The following RTN4 variants were observed in gnomAD, a reference collection of about 807,000 sequenced individuals.
RTN4 encodes the protein reticulon 4.
Under a neutral mutation model 90.4 loss-of-function variants are expected in RTN4, and 32 were observed. The observed-to-expected ratio is 0.35, with a 90% CI of 0.27 to 0.48. RTN4 has a LOEUF of 0.48. RTN4 is among the 20% of genes least tolerant of loss of function. The pLI, the probability that RTN4 is intolerant of heterozygous loss-of-function variation, is 0.99. For missense variants in RTN4, 1,706 were observed against 1,430.2 expected, an observed-to-expected ratio of 1.19 and a Z score of -3.11; for synonymous variants, 629 against 552.5, an observed-to-expected ratio of 1.14 and a Z score of -1.94.
intron 6 of RTN4, 165 bp from the exon 7 acceptor site, chr2:54,974,032 C>G (rs1677389324): frequency 3.4e-6 from 2 of 586,130 alleles, no homozygotes; most frequent in South Asian, 2.1e-5. Context: ...AGGAGCCACT[C>G]CAGAGGAATG....
chr2:55,018,343 A>T (rs577947229), intron 3 of RTN4, among the ~76,000 whole-genome samples: 2 of 152,336 alleles, frequency 1.3e-5, no homozygotes, highest in African/African-American at 4.8e-5. Flanking sequence ...TAGAACTGAA[A>T]CAAATGAAGC....
intron 1 of RTN4, among the ~76,000 whole-genome samples, chr2:55,037,665 G>C (rs1682784184): frequency 6.6e-6 from 1 of 152,118 alleles, no homozygotes; most frequent in Non-Finnish European, 1.5e-5. Context: ...ACTATGACAG[G>C]CTAACTTGTT....
intron 2 of RTN4, among the ~76,000 whole-genome samples, chr2:55,056,025 TAC>T (rs1668185370): frequency 6.6e-6 from 1 of 151,842 alleles, no homozygotes; most frequent in East Asian, 1.9e-4. Context: ...TATATATCTG[TAC>T]ACACACAGTA....
chr2:55,043,537 G>T (rs1352674423), intron 1 of RTN4, among the ~76,000 whole-genome samples: 1 of 152,104 alleles, frequency 6.6e-6, no homozygotes, highest in African/African-American at 2.4e-5. Flanking sequence ...AGAACTGCTT[G>T]AGCCCAGGAG....
In RTN4 at chr2:55,085,947, G is replaced by A. The variant is rs1668829439; in HGVS notation, c.-213-5308C>T. Among the ~76,000 whole-genome samples the A allele has an allele frequency of 1.3e-5, 2 of 152,136 alleles. 1 individual carries two copies. Among genetic ancestry groups the A allele is most frequent in the South Asian group, 4.1e-4 (2 of 4,830 alleles). On this transcript the variant is annotated intron_variant, in intron 1 of 3. Transcript: ENST00000427710. ...CAAATCATTATTGCAGTCCTCATTT[G>A]ACCAAAAATAAGGCAAGAGAGAATA...
intron 1 of RTN4, among the ~76,000 whole-genome samples, chr2:55,102,420 G>A (rs947956203): frequency 5.9e-5 from 9 of 152,144 alleles, no homozygotes; most frequent in Non-Finnish European, 1.3e-4. Flanking sequence ...CGGCAAAACA[G>A]CCATAAACTA....
intron 3 of RTN4, among the ~76,000 whole-genome samples, chr2:55,007,089 T>C (rs761523344): frequency 1.4e-4 from 21 of 152,146 alleles, no homozygotes; most frequent in Admixed American, 1.2e-3. Flanking sequence ...TTAGCTCTAT[T>C]TCTACTAATA....
chr2:55,110,056 C>G (rs907244007), intron 1 of RTN4, among the ~76,000 whole-genome samples: 4 of 152,100 alleles, frequency 2.6e-5, no homozygotes, highest in Non-Finnish European at 4.4e-5. Flanking sequence ...CACCTATAAT[C>G]CCAGCATTGT....
At chr2:55,051,733 A>C (rs993579777), upstream of RTN4, among the ~76,000 whole-genome samples, 17 of 152,344 alleles carry the variant, frequency 1.1e-4, no homozygotes, top group Non-Finnish European at 1.8e-4. Flanking sequence ...TGTAAGTGTA[A>C]AATGCGCACT....
intron 5 of RTN4, among the ~76,000 whole-genome samples, chr2:54,979,196 G>A (rs1051517917): frequency 6.6e-6 from 1 of 151,066 alleles, no homozygotes; most frequent in Non-Finnish European, 1.5e-5. Flanking sequence ...GGGACTACAG[G>A]CATGGGCGAC....
the RTN4 span, among the ~76,000 whole-genome samples, chr2:55,121,696 C>G: frequency 6.6e-6 from 1 of 152,012 alleles, no homozygotes; most frequent in Non-Finnish European, 1.5e-5. Flanking sequence ...TGACAATTAC[C>G]AGGGAAGGAG....
At chr2:55,129,603 T>G in the RTN4 span, among the ~76,000 whole-genome samples, 1 of 151,816 alleles carries the variant, frequency 6.6e-6, no homozygotes, top group Non-Finnish European at 1.5e-5. Context: ...GGAGTCTCGC[T>G]CAGGCTGGAG....
At position 55,026,274 on chromosome 2, in the gene RTN4, G is replaced by A. The variant is rs991453414; in HGVS notation, c.1825C>T (p.Pro609Ser). 6.8e-6 allele frequency: 11 copies of A among 1,613,936 alleles called. No homozygotes were observed. Among genetic ancestry groups the A allele is most frequent in the Non-Finnish European group, 9.3e-6 (11 of 1,179,910 alleles). The change falls in exon 3 of 9, where the codon CCA (proline) becomes TCA (serine). Residue 609 changes from proline (P) to serine (S), a missense_variant. Physicochemically the swap from Pro to Ser is moderately conservative, Grantham distance 74. Coordinates refer to ENST00000337526, the MANE Select transcript of RTN4 (RefSeq NM_020532.5). ...SFEESEATPSPVLPDIVMEAP... is the reference protein window; with the variant it reads ...SFEESEATPSSVLPDIVMEAP... Reference sequence around the variant, plus strand: ...TCCATAACAATGTCAGGCAAAACTGGTGAAGGAGTAGCTTCTGACTCTTCA... The same window carrying A: ...TCCATAACAATGTCAGGCAAAACTGATGAAGGAGTAGCTTCTGACTCTTCA...
intron 3 of RTN4, among the ~76,000 whole-genome samples, chr2:55,009,323 G>GA (rs1341750727): frequency 6.6e-5 from 10 of 151,496 alleles, no homozygotes; most frequent in African/African-American, 2.4e-4. Context: ...TTCTTTTAAA[G>GA]AAAAAAAGGT....
intron 3 of RTN4, among the ~76,000 whole-genome samples, chr2:55,003,824 A>C (rs1680015040): frequency 6.6e-6 from 1 of 152,214 alleles, no homozygotes; most frequent in African/African-American, 2.4e-5. Flanking sequence ...GATGATCTCA[A>C]CAAGATGTGC....
At position 54,973,182 on chromosome 2, in the gene RTN4, G is replaced by A; in HGVS notation, c.3553C>T (p.Pro1185Ser). Residue 1185 changes from proline (P) to serine (S), a missense_variant, in exon 9 of 9, where the codon CCT (proline) becomes TCT (serine). By Grantham distance (74) the Pro-to-Ser change is moderately conservative. Coordinates refer to ENST00000337526, the MANE Select transcript of RTN4 (RefSeq NM_020532.5). ...DAMAKIQAKIPGLKRKAE is the reference protein window; with the variant it reads ...DAMAKIQAKISGLKRKAE The stretch of plus-strand genomic sequence containing the variant: ...CATTCAGCTTTGCGCTTCAATCCAG[G>A]GATTTTTGCTTGGATTCTGAAAATG... The A allele has an allele frequency of 1.2e-6, 2 of 1,603,396 alleles. No homozygotes were observed. The highest frequency in any genetic ancestry group is 1.7e-6 in the Non-Finnish European group (2 of 1,171,644).
intron 2 of RTN4, among the ~76,000 whole-genome samples, chr2:55,072,982 T>G (rs775025787): frequency 2.0e-5 from 3 of 152,240 alleles, no homozygotes; most frequent in Non-Finnish European, 4.4e-5. Flanking sequence ...GCTCATTCTT[T>G]CATCTTATTC....
intron 3 of RTN4, chr2:55,010,135 T>G (rs991410522): frequency 6.2e-7 from 1 of 1,613,392 alleles, no homozygotes; most frequent in Non-Finnish European, 8.5e-7. Context: ...TGTCACGATC[T>G]GCTTTGCAGC....
At chr2:55,137,642 C>G in the RTN4 span, among the ~76,000 whole-genome samples, 1 of 152,116 alleles carries the variant, frequency 6.6e-6, no homozygotes, top group South Asian at 2.1e-4. Flanking sequence ...TCAACCTGTC[C>G]AGACCAACCA....
Sources: gnomAD v4.1 joint callset for allele counts (sites outside exome capture counted in the v4.1 genomes callset) on GRCh38, gnomAD v4.1.1 for gene constraint, MANE v1.5 for transcripts, NCBI Gene and HGNC (gene_info 2026-07-23, HGNC 2026-07-21) for gene names.